The following OSTF1 variants were observed in gnomAD, a reference collection of about 807,000 sequenced individuals.
OSTF1 encodes the protein osteoclast-stimulating factor 1.
In OSTF1, 27 loss-of-function variants were observed where a neutral mutation model predicts 37.2. The observed-to-expected ratio is 0.73, with a 90% CI of 0.54 to 1.00. The LOEUF (loss-of-function observed/expected upper bound fraction) is 1.00. Ranked by LOEUF, OSTF1 falls within the 50% of genes least tolerant of loss-of-function variation. OSTF1 has a pLI of 0.00. For missense variants in OSTF1, 232 were observed against 253.8 expected (o/e 0.91, Z 0.58); for synonymous variants, 82 against 89.2 (o/e 0.92, Z 0.46).
chr9:75,134,595 G>T (rs1339068023), intron 7 of OSTF1, among the ~76,000 whole-genome samples, 200 bp downstream of exon 7: 3 of 152,162 alleles, frequency 2.0e-5, no homozygotes, highest in African/African-American at 4.8e-5. Flanking sequence ...TCAGCTTTTA[G>T]CTCTTTCTTC....
chr9:75,105,822 C>T (rs1266943610), intron 1 of OSTF1, among the ~76,000 whole-genome samples: 2 of 152,094 alleles, frequency 1.3e-5, no homozygotes, highest in African/African-American at 4.8e-5. Flanking sequence ...ATTTCAAACC[C>T]CGCTCTCTGG....
chr9:75,136,494 G>A (rs188936780), intron 7 of OSTF1, among the ~76,000 whole-genome samples: 155 of 152,250 alleles, frequency 1.0e-3, no homozygotes, highest in African/African-American at 3.4e-3. Flanking sequence ...CCGGGTTCAA[G>A]CTATTCTCCT....
chr9:75,139,831 T>C (rs1825911878), intron 8 of OSTF1, among the ~76,000 whole-genome samples: 1 of 152,244 alleles, frequency 6.6e-6, no homozygotes, highest in African/African-American at 2.4e-5. Flanking sequence ...AAAAGCAATC[T>C]GACAGTAGCT....
At chr9:75,111,907 TCCG>T (rs1264781873) in intron 1 of OSTF1, among the ~76,000 whole-genome samples, 2 of 120,754 alleles carry the variant, frequency 1.7e-5, no homozygotes. Flanking sequence ...CACTACCACC[TCCG>T]CCTCCTGGGT....
intron 9 of OSTF1, among the ~76,000 whole-genome samples, chr9:75,141,604 T>A (rs1296768004): frequency 6.6e-6 from 1 of 152,226 alleles, no homozygotes; most frequent in East Asian, 1.9e-4. Flanking sequence ...AAAAATAACA[T>A]TTAATAGCTC....
intron 2 of OSTF1, among the ~76,000 whole-genome samples, chr9:75,125,313 A>C (rs1825644797): frequency 6.6e-6 from 1 of 152,196 alleles, no homozygotes; most frequent in Admixed American, 6.5e-5. Flanking sequence ...GTTTCAAATA[A>C]ATACTAAAGG....
intron 1 of OSTF1, among the ~76,000 whole-genome samples, chr9:75,091,143 TG>T (rs1377673333): frequency 8.3e-5 from 12 of 145,372 alleles, no homozygotes; most frequent in African/African-American, 3.1e-4. Context: ...TGGAGTGCAG[TG>T]GCGCGATCTC....
chr9:75,131,846 G>C, intron 5 of OSTF1, 23 bp downstream of exon 5: 1 of 1,582,520 alleles, frequency 6.3e-7, no homozygotes, highest in Non-Finnish European at 8.7e-7. Flanking sequence ...CTTTTTGACT[G>C]AGGTATGCAG....
intron 1 of OSTF1, among the ~76,000 whole-genome samples, chr9:75,100,729 CAA>C (rs36001530): frequency 1.2e-4 from 12 of 97,378 alleles, no homozygotes; most frequent in Admixed American, 1.1e-4. Flanking sequence ...AGACTCGTCT[CAA>C]AAAAAAAAAA....
intron 1 of OSTF1, among the ~76,000 whole-genome samples, chr9:75,109,222 A>G (rs2118467888): frequency 6.6e-6 from 1 of 152,136 alleles, no homozygotes; most frequent in Middle Eastern, 3.4e-3. Context: ...CGTGTCGGCC[A>G]GCTGTTCTCC....
At chr9:75,138,490 G>C (rs540361874) in intron 8 of OSTF1, among the ~76,000 whole-genome samples, 1 of 152,252 alleles carries the variant, frequency 6.6e-6, no homozygotes, top group African/African-American at 2.4e-5. Context: ...TATCTGAATT[G>C]AGATGTGCTG....
intron 2 of OSTF1, among the ~76,000 whole-genome samples, chr9:75,122,270 C>T (rs906729148): frequency 3.3e-5 from 5 of 152,220 alleles, no homozygotes; most frequent in Admixed American, 2.6e-4. Flanking sequence ...AATAGAGCCA[C>T]GTGTAGAGGA....
intron 1 of OSTF1, among the ~76,000 whole-genome samples, chr9:75,089,570 G>GGGTA (rs1824911142): frequency 6.6e-6 from 1 of 152,126 alleles, no homozygotes; most frequent in Non-Finnish European, 1.5e-5. Flanking sequence ...TCATTCATTT[G>GGGTA]GGTAGGTAAT....
intron 1 of OSTF1, among the ~76,000 whole-genome samples, chr9:75,115,665 T>C (rs1403101825): frequency 7.1e-6 from 1 of 140,428 alleles, no homozygotes; most frequent in Non-Finnish European, 1.5e-5. Flanking sequence ...TGTTTTTTGT[T>C]TTTTTTTGCT....
chr9:75,114,967 G>A (rs1825456118), intron 1 of OSTF1, among the ~76,000 whole-genome samples: 1 of 152,152 alleles, frequency 6.6e-6, no homozygotes, highest in Non-Finnish European at 1.5e-5. Context: ...GTAGGCACTC[G>A]GGTGTCTCAT....
chr9:75,130,180 C>G (rs1825741030), intron 3 of OSTF1, among the ~76,000 whole-genome samples: 1 of 151,758 alleles, frequency 6.6e-6, no homozygotes, highest in South Asian at 2.1e-4. Flanking sequence ...CAAGTTACCC[C>G]CAAAATGAAG....
rs112031324 is a variant in OSTF1, at chr9:75,106,987, GA to G, written c.35-10503del. Among the ~76,000 whole-genome samples, 699 of 112,148 alleles carry G rather than the reference GA, an allele frequency of 6.2e-3. 3 individuals carry two copies. Among genetic ancestry groups the G allele is most frequent in the South Asian group, 0.04 (133 of 3,310 alleles). 73.6% of individuals were successfully genotyped at this position (112,148 alleles called of 152,430 possible). ...AAAGAAAAAGAAAAAGAAAAAAAAA[GA>G]AAAAAAAAAAAAAGCAGTGGGCTTT... On this transcript the variant is annotated intron_variant, in intron 1 of 9. Coordinates refer to ENST00000346234, the MANE Select transcript of OSTF1 (RefSeq NM_012383.5).
intron 9 of OSTF1, among the ~76,000 whole-genome samples, chr9:75,143,387 A>C (rs1471807314): frequency 1.3e-5 from 2 of 152,202 alleles, no homozygotes; most frequent in African/African-American, 2.4e-5. Flanking sequence ...GTAAGTACAT[A>C]AATCTTAAGC....
At chr9:75,105,592 C>T (rs1229195591) in intron 1 of OSTF1, among the ~76,000 whole-genome samples, 1 of 152,020 alleles carries the variant, frequency 6.6e-6, no homozygotes, top group Non-Finnish European at 1.5e-5. Flanking sequence ...CATGGACGAG[C>T]CTTTGGACTG....
Sources: allele counts gnomAD v4.1 joint callset (sites outside exome capture counted in the v4.1 genomes callset), GRCh38; gene constraint gnomAD v4.1.1; transcripts MANE v1.5; gene names NCBI Gene and HGNC (gene_info 2026-07-23, HGNC 2026-07-21).